The following MTHFD2L variants were observed in gnomAD, a reference collection of about 807,000 sequenced individuals.
The protein encoded by MTHFD2L is bifunctional methylenetetrahydrofolate dehydrogenase/cyclohydrolase 2, mitochondrial.
Under a neutral mutation model 34.9 loss-of-function variants are expected in MTHFD2L, and 29 were observed. The observed-to-expected ratio is 0.83, with a 90% CI of 0.62 to 1.13. The LOEUF (loss-of-function observed/expected upper bound fraction) is 1.13, where lower values mean the gene tolerates loss of function less well. MTHFD2L is among the 50% of genes most tolerant of loss of function. The pLI is 0.00. For missense variants in MTHFD2L, 481 were observed against 446.5 expected (o/e 1.08, Z -0.70); for synonymous variants, 167 against 155.7 (o/e 1.07, Z -0.54).
chr4:74,178,838 G>A (rs529306078), intron 3 of MTHFD2L, among the ~76,000 whole-genome samples: 41 of 152,132 alleles, frequency 2.7e-4, no homozygotes, highest in African/African-American at 1.7e-4. Flanking sequence ...AATTTGAGGC[G>A]TGAAGAGGGT....
At chr4:74,145,134 A>T (rs960722192) in intron 1 of MTHFD2L, among the ~76,000 whole-genome samples, 7 of 152,096 alleles carry the variant, frequency 4.6e-5, no homozygotes, top group African/African-American at 1.7e-4. Context: ...AAAGACTGAT[A>T]AACTAGACTA....
At chr4:74,179,049 A>C (rs1043416054) in intron 3 of MTHFD2L, among the ~76,000 whole-genome samples, 1 of 152,008 alleles carries the variant, frequency 6.6e-6, no homozygotes, top group African/African-American at 2.4e-5. Flanking sequence ...AATCCTACAA[A>C]CACCCTTATA....
intron 1 of MTHFD2L, among the ~76,000 whole-genome samples, chr4:74,151,435 G>C (rs990985269): frequency 2.0e-5 from 3 of 152,166 alleles, no homozygotes; most frequent in African/African-American, 7.2e-5. Context: ...ACTTTTCCAG[G>C]AGAACCTTAG....
At chr4:74,253,084 A>G (rs1743533620) in intron 6 of MTHFD2L, among the ~76,000 whole-genome samples, 1 of 152,142 alleles carries the variant, frequency 6.6e-6, no homozygotes, top group Admixed American at 6.5e-5. Context: ...GAGGAAAAAA[A>G]TTAATTTAGA....
chr4:74,115,246 A>C (rs907114887), intron 2 of MTHFD2L, among the ~76,000 whole-genome samples: 16 of 152,332 alleles, frequency 1.1e-4, no homozygotes, highest in Non-Finnish European at 2.2e-4. Context: ...AAATTCCATT[A>C]GTGGATTTGA....
chr4:74,246,419 T>G (rs901767353), intron 6 of MTHFD2L, among the ~76,000 whole-genome samples: 3 of 151,806 alleles, frequency 2.0e-5, no homozygotes, highest in Non-Finnish European at 4.4e-5. Context: ...TTTCTCCCAT[T>G]TTGTAGGTTG....
At chr4:74,201,212 A>G (rs373810041) in intron 4 of MTHFD2L, 51 bp from the exon 5 acceptor site, 2 of 1,405,264 alleles carry the variant, frequency 1.4e-6, no homozygotes, top group Non-Finnish European at 2.0e-6. Context: ...CAAATGTTTA[A>G]TTTACTTCTT....
At chr4:74,219,464 C>T (rs488440) in intron 5 of MTHFD2L, among the ~76,000 whole-genome samples, 37,372 of 151,696 alleles carry the variant, frequency 0.25, 4,766 homozygotes, top group African/African-American at 0.31. Flanking sequence ...GTACTAGCTG[C>T]CCTTTGGAAA....
chr4:74,224,792 C>A (rs79653302), intron 5 of MTHFD2L, among the ~76,000 whole-genome samples: 1 of 151,926 alleles, frequency 6.6e-6, no homozygotes, highest in African/African-American at 2.4e-5. Context: ...TCTTCCTTAC[C>A]TGATTAGAAC....
chr4:74,281,324 C>CGTGTGTGT lies in MTHFD2L; in HGVS notation c.806-82_806-75dup, dbSNP rs3832298. 2.5e-3 allele frequency: 2,131 copies of CGTGTGTGT among 866,910 alleles called. 3 individuals are homozygous for CGTGTGTGT. The highest frequency in any genetic ancestry group is 5.8e-3 in the Middle Eastern group (17 of 2,906). 53.7% of individuals were successfully genotyped at this position (866,910 alleles called of 1,614,324 possible). On this transcript the variant is annotated intron_variant, in intron 6 of 7. Coordinates refer to ENST00000325278, the MANE Select transcript of MTHFD2L (RefSeq NM_001144978.3). ...TTTAAGGAACAATGTATTACACATA[C>CGTGTGTGT]GTGTGTGTGTGTGTGTGTGTGTGTG... is the stretch of plus-strand genomic sequence containing the variant.
intron 1 of MTHFD2L, among the ~76,000 whole-genome samples, chr4:74,163,145 T>A (rs1315032715): frequency 6.6e-6 from 1 of 152,174 alleles, no homozygotes; most frequent in Non-Finnish European, 1.5e-5. Context: ...CTTGCTAATA[T>A]AATTTACAGA....
At chr4:74,272,020 A>G (rs1578677575) in intron 6 of MTHFD2L, among the ~76,000 whole-genome samples, 1 of 152,292 alleles carries the variant, frequency 6.6e-6, no homozygotes, top group East Asian at 1.9e-4. Context: ...TGTTGATGAT[A>G]ATACCAAAGT....
chr4:74,260,113 G>A (rs1445423303), intron 6 of MTHFD2L, among the ~76,000 whole-genome samples: 3 of 152,216 alleles, frequency 2.0e-5, no homozygotes, highest in African/African-American at 7.2e-5. Context: ...GAAGTTCTCT[G>A]TGTCAACTCA....
chr4:74,237,570 C>T (rs923799460), intron 6 of MTHFD2L, among the ~76,000 whole-genome samples: 17 of 152,018 alleles, frequency 1.1e-4, no homozygotes, highest in African/African-American at 3.9e-4. Context: ...GCTGAGATCG[C>T]ATCACTGCAC....
At chr4:74,182,028 G>T (rs973386874) in intron 3 of MTHFD2L, among the ~76,000 whole-genome samples, 28 of 151,856 alleles carry the variant, frequency 1.8e-4, no homozygotes, top group African/African-American at 6.3e-4. Context: ...ACCAGAGTGG[G>T]AATTTTTTTT....
intron 7 of MTHFD2L, among the ~76,000 whole-genome samples, chr4:74,281,994 T>A (rs1348876995): frequency 1.3e-5 from 2 of 152,098 alleles, no homozygotes; most frequent in East Asian, 3.9e-4. Flanking sequence ...ACATTTCAGA[T>A]CTAGGTAGTT....
At chr4:74,225,555 T>G (rs1046939410) in intron 6 of MTHFD2L, among the ~76,000 whole-genome samples, 161 bp downstream of exon 6, 1 of 152,180 alleles carries the variant, frequency 6.6e-6, no homozygotes, top group Non-Finnish European at 1.5e-5. Flanking sequence ...ATCAGTCCAT[T>G]GTGCCTATGT....
intron 6 of MTHFD2L, among the ~76,000 whole-genome samples, chr4:74,243,064 G>A (rs1741938637): frequency 6.6e-6 from 1 of 152,144 alleles, no homozygotes; most frequent in Admixed American, 6.5e-5. Context: ...AGAGGTGCAG[G>A]ATGCTATAGG....
rs181037831 is a variant in MTHFD2L, at chr4:74,302,749, A to C, written c.*940A>C. ...TCTAATAGGAAAACATGATACTTTC[A>C]ATGTGCCAAAACTAAACCTTAGTAT... On this transcript the variant is annotated 3_prime_UTR_variant, in exon 8 of 8. Transcript: ENST00000325278. 7 of 152,276 alleles carry C rather than the reference A, an allele frequency of 4.6e-5. No individual in the cohort carries two copies. Among genetic ancestry groups the C allele is most frequent in the African/African-American group, 1.7e-4 (7 of 41,578 alleles). 9.4% of individuals were successfully genotyped at this position (152,276 alleles called of 1,614,324 possible). A position where few individuals can be genotyped will look rare whatever the true frequency, so the allele number is the denominator to read the frequency against.
Sources: gnomAD v4.1 joint callset for allele counts (sites outside exome capture counted in the v4.1 genomes callset) on GRCh38, gnomAD v4.1.1 for gene constraint, MANE v1.5 for transcripts, NCBI Gene and HGNC (gene_info 2026-07-23, HGNC 2026-07-21) for gene names.